SAMMSON: variants seen among roughly 807,000 people sequenced by gnomAD.
SAMMSON encodes survival associated mitochondrial melanoma specific oncogenic non-coding RNA.
chr3:70,048,238 C>A (rs2067134291), intron 3 of SAMMSON, among the ~76,000 whole-genome samples: 1 of 151,914 alleles, frequency 6.6e-6, no homozygotes, highest in Non-Finnish European at 1.5e-5. Flanking sequence ...GTGGAAAGGG[C>A]AAACTATTAG....
At chr3:70,137,719 A>C (rs1198101277) in intron 4 of SAMMSON, 1 of 152,192 alleles carries the variant, frequency 6.6e-6, no homozygotes, top group Non-Finnish European at 1.5e-5. Flanking sequence ...TAATTTTAAC[A>C]TTTTATGTTT....
At chr3:70,198,440 G>A (rs953569789) in intron 4 of SAMMSON, among the ~76,000 whole-genome samples, 2 of 152,026 alleles carry the variant, frequency 1.3e-5, no homozygotes, top group African/African-American at 2.4e-5. Context: ...TCATATAATA[G>A]TCTTTAAGTG....
chr3:70,130,450 A>G (rs2067478555), intron 4 of SAMMSON, among the ~76,000 whole-genome samples: 1 of 152,204 alleles, frequency 6.6e-6, no homozygotes, highest in Non-Finnish European at 1.5e-5. Flanking sequence ...ACAAATATAC[A>G]TCCCATGCTG....
At chr3:70,245,424 A>G (rs1701697586) in intron 4 of SAMMSON, among the ~76,000 whole-genome samples, 1 of 151,592 alleles carries the variant, frequency 6.6e-6, no homozygotes, top group African/African-American at 2.4e-5. Flanking sequence ...TGATTCTTGG[A>G]AAATCACAAA....
intron 4 of SAMMSON, among the ~76,000 whole-genome samples, chr3:70,109,311 T>C (rs1211951867): frequency 6.6e-6 from 1 of 151,602 alleles, no homozygotes; most frequent in Non-Finnish European, 1.5e-5. Context: ...ACTCCTACCA[T>C]TCCCGGAGCT....
At chr3:70,111,563 T>C (rs1190570700) in intron 4 of SAMMSON, among the ~76,000 whole-genome samples, 1 of 152,008 alleles carries the variant, frequency 6.6e-6, no homozygotes, top group African/African-American at 2.4e-5. Flanking sequence ...AATATAAAAA[T>C]TACAAAGCAC....
At chr3:70,119,148 C>T (rs752146037) in intron 4 of SAMMSON, among the ~76,000 whole-genome samples, 1 of 152,136 alleles carries the variant, frequency 6.6e-6, no homozygotes, top group African/African-American at 2.4e-5. Context: ...CTCACTGCAA[C>T]GTCCACCTCT....
At chr3:70,187,143 G>A (rs2106708985) in intron 4 of SAMMSON, among the ~76,000 whole-genome samples, 1 of 152,276 alleles carries the variant, frequency 6.6e-6, no homozygotes, top group East Asian at 1.9e-4. Flanking sequence ...AGGATAAAGA[G>A]GATAGAAAGC....
At chr3:70,427,014 T>C (rs924329093) in intron 2 of SAMMSON, among the ~76,000 whole-genome samples, 1 of 152,206 alleles carries the variant, frequency 6.6e-6, no homozygotes, top group East Asian at 1.9e-4. Context: ...AATAAAGATA[T>C]TGATAGTTTG....
intron 4 of SAMMSON, among the ~76,000 whole-genome samples, chr3:70,115,749 T>C (rs1189961460): frequency 6.6e-6 from 1 of 152,150 alleles, no homozygotes; most frequent in East Asian, 1.9e-4. Context: ...CAACCTAGTT[T>C]CTCATTGAAA....
At chr3:70,081,244 G>T (rs1309130860) in intron 4 of SAMMSON, among the ~76,000 whole-genome samples, 2 of 152,112 alleles carry the variant, frequency 1.3e-5, no homozygotes, top group Non-Finnish European at 2.9e-5. Flanking sequence ...CTTCCAAGTA[G>T]CTGGGACTAC....
chr3:70,273,306 T>C (rs893737537), intron 6 of SAMMSON, among the ~76,000 whole-genome samples: 7 of 152,222 alleles, frequency 4.6e-5, no homozygotes, highest in African/African-American at 1.7e-4. Context: ...AAGACTACTC[T>C]AAGGAAAATA....
chr3:70,062,981 T>G (rs1191889280), intron 3 of SAMMSON, among the ~76,000 whole-genome samples: 1 of 152,024 alleles, frequency 6.6e-6, no homozygotes, highest in Non-Finnish European at 1.5e-5. Flanking sequence ...AAATGTTGAC[T>G]TCATCACCTG....
chr3:70,263,801 G>A (rs537201708), intron 6 of SAMMSON, among the ~76,000 whole-genome samples: 5 of 151,978 alleles, frequency 3.3e-5, no homozygotes, highest in Admixed American at 1.3e-4. Flanking sequence ...CTGGGTTCCC[G>A]TTGCTATATC....
At chr3:70,427,705 T>C (rs576937845) in intron 2 of SAMMSON, among the ~76,000 whole-genome samples, 62 of 139,426 alleles carry the variant, frequency 4.4e-4, no homozygotes, top group Admixed American at 1.3e-3. Context: ...GCCACTGCGC[T>C]CCAGCCTGGG....
intron 4 of SAMMSON, among the ~76,000 whole-genome samples, chr3:70,175,848 G>T (rs1701005285): frequency 6.6e-6 from 1 of 152,102 alleles, no homozygotes; most frequent in South Asian, 2.1e-4. Context: ...CTGGGTTTCA[G>T]TAGGAGAAAG....
chr3:70,036,064 G>A (rs1167788973), intron 3 of SAMMSON, among the ~76,000 whole-genome samples: 1 of 152,074 alleles, frequency 6.6e-6, no homozygotes, highest in Non-Finnish European at 1.5e-5. Context: ...AGATAAAATG[G>A]TTTTAATTTT....
chr3:70,195,912 A>G (rs1383648166), intron 4 of SAMMSON, among the ~76,000 whole-genome samples: 1 of 152,208 alleles, frequency 6.6e-6, no homozygotes, highest in African/African-American at 2.4e-5. Context: ...TAAAAAAATA[A>G]GTAAAATAAG....
At chr3:70,048,195 T>A (rs2067134213) in intron 3 of SAMMSON, among the ~76,000 whole-genome samples, 2 of 152,076 alleles carry the variant, frequency 1.3e-5, no homozygotes, top group Non-Finnish European at 2.9e-5. Context: ...GCAGAACAGA[T>A]GTGCTCTCTT....
Sources: gnomAD v4.1 joint callset for allele counts (sites outside exome capture counted in the v4.1 genomes callset) on GRCh38, gnomAD v4.1.1 for gene constraint, MANE v1.5 for transcripts, NCBI Gene and HGNC (gene_info 2026-07-23, HGNC 2026-07-21) for gene names.